Variants in SYCE1L observed in about 807,000 individuals in gnomAD.
The protein encoded by SYCE1L is synaptonemal complex central element protein 1-like.
Under a neutral mutation model 39.6 loss-of-function variants are expected in SYCE1L, and 51 were observed. The observed-to-expected ratio is 1.29, with a 90% CI of 1.03 to 1.63. The LOEUF is 1.63. Among genes scored for constraint, SYCE1L ranks in the 40% most tolerant of loss-of-function variants. The pLI, the probability that SYCE1L is intolerant of heterozygous loss-of-function variation, is 0.00. For missense variants in SYCE1L, 426 were observed against 304.9 expected (o/e 1.40, Z -2.96); for synonymous variants, 147 against 122.4 (o/e 1.20, Z -1.33).
At chr16:77,212,672 G>A in intron 10 of SYCE1L, 26 bp downstream of exon 10, 1 of 1,524,598 alleles carries the variant, frequency 6.6e-7, no homozygotes, top group Non-Finnish European at 8.8e-7. Context: ...AAGGGAGGCG[G>A]GGCGGGCAGG....
intron 1 of SYCE1L, chr16:77,200,291 T>TATATATATATATATATATATACACACAC: frequency 7.2e-5 from 8 of 111,420 alleles, no homozygotes; most frequent in African/African-American, 2.4e-4. Flanking sequence ...TATATATATA[T>TATATATATATATATATATATACACACAC]ACACACACTA....
intron 1 of SYCE1L, chr16:77,200,220 A>T (rs1212378651): frequency 1.7e-5 from 2 of 117,714 alleles, no homozygotes; most frequent in Non-Finnish European, 3.4e-5. Flanking sequence ...ATATGTATGT[A>T]TGTATGTGTG....
At chr16:77,200,146 A>G (rs2054716255) in intron 1 of SYCE1L, 1 of 150,758 alleles carries the variant, frequency 6.6e-6, no homozygotes, top group Non-Finnish European at 1.5e-5. Flanking sequence ...CCTGACCAAC[A>G]TGGTGAAACA....
intron 5 of SYCE1L, 77 bp from the exon 6 acceptor site, chr16:77,209,340 A>G: frequency 6.8e-7 from 1 of 1,474,728 alleles, no homozygotes; most frequent in Non-Finnish European, 9.3e-7. Context: ...GCCTGACATG[A>G]TGTGGGGCCT....
At chr16:77,201,136 G>T (rs1353692600) in intron 1 of SYCE1L, 5 of 152,154 alleles carry the variant, frequency 3.3e-5, no homozygotes, top group Non-Finnish European at 7.3e-5. Flanking sequence ...TGCCTGCTTG[G>T]TGTAAAGTAA....
chr16:77,202,688 G>A (rs1290180421), intron 1 of SYCE1L, among the ~76,000 whole-genome samples: 1 of 152,168 alleles, frequency 6.6e-6, no homozygotes, highest in African/African-American at 2.4e-5. Context: ...TAGGATTGGG[G>A]TCAGCTAAGA....
intron 1 of SYCE1L, chr16:77,202,490 C>G (rs2054753194): frequency 6.6e-6 from 1 of 152,136 alleles, no homozygotes; most frequent in Admixed American, 6.5e-5. Context: ...TTATTTATTA[C>G]CCACTCTTGG....
intron 1 of SYCE1L, chr16:77,201,843 A>T (rs181193867): frequency 6.6e-6 from 1 of 152,340 alleles, no homozygotes; most frequent in East Asian, 1.9e-4. Context: ...TGATAGGATT[A>T]TTATTGACAC....
intron 6 of SYCE1L, among the ~76,000 whole-genome samples, chr16:77,210,984 C>T (rs1386194940): frequency 1.3e-5 from 2 of 152,182 alleles, no homozygotes; most frequent in African/African-American, 4.8e-5. Context: ...GGGGTAACTC[C>T]CAAGCCTGGG....
chr16:77,206,502 T>G lies in SYCE1L; in HGVS notation c.121+2T>G, dbSNP rs1467716104. 9.7e-6 allele frequency: 15 copies of G among 1,551,550 alleles called. No individual in the cohort carries two copies. Among genetic ancestry groups the G allele is most frequent in the Non-Finnish European group, 1.2e-5 (14 of 1,146,972 alleles). On this transcript the variant is annotated splice_donor_variant, in intron 2 of 10. Transcript: ENST00000378644. LOFTEE classifies it high-confidence loss of function. Reference sequence around the variant, plus strand: ...CAATGGTGATAAAGCTGCAGAAAGGTCATGTGTCTCTTTGTTTCTGAGCCT... The same window carrying G: ...CAATGGTGATAAAGCTGCAGAAAGGGCATGTGTCTCTTTGTTTCTGAGCCT...
chr16:77,208,580 G>A (rs1379155641), intron 4 of SYCE1L, 41 bp downstream of exon 4: 2 of 1,544,176 alleles, frequency 1.3e-6, no homozygotes, highest in East Asian at 2.4e-5. Flanking sequence ...CACTGCAGAT[G>A]TTCCTGTGCA....
rs566739740 is a variant in SYCE1L, at chr16:77,209,950, C to T, written c.359+479C>T. ...ACAATCTTCCATCCATCCAATCATGCATTCATCCTCTCTTTATTCTTTCCA... is the reference window on the plus strand; with the variant it reads ...ACAATCTTCCATCCATCCAATCATGTATTCATCCTCTCTTTATTCTTTCCA... On this transcript the variant is annotated intron_variant, in intron 6 of 10. Coordinates refer to ENST00000378644, the MANE Select transcript of SYCE1L (RefSeq NM_001129979.3). Among the ~76,000 whole-genome samples, 3 of 152,322 alleles carry T rather than the reference C, an allele frequency of 2.0e-5. No individual in the cohort carries two copies. The South Asian group carries it at 6.2e-4, about 32-fold the overall frequency.
chr16:77,205,833 C>T (rs1204494574), intron 1 of SYCE1L, among the ~76,000 whole-genome samples: 2 of 152,098 alleles, frequency 1.3e-5, no homozygotes, highest in African/African-American at 4.8e-5. Context: ...ATAGGGAGCA[C>T]TCCCCAAGGC....
At chr16:77,207,761 A>T (rs1370303762) in intron 2 of SYCE1L, among the ~76,000 whole-genome samples, 1 of 151,954 alleles carries the variant, frequency 6.6e-6, no homozygotes, top group Non-Finnish European at 1.5e-5. Context: ...CCTCACTGTT[A>T]CTTTGGACAC....
At chr16:77,209,638 G>C (rs977664433) in intron 6 of SYCE1L, among the ~76,000 whole-genome samples, 167 bp downstream of exon 6, 2 of 151,550 alleles carry the variant, frequency 1.3e-5, no homozygotes, top group African/African-American at 2.5e-5. Context: ...TTAAATGGTC[G>C]TGTTAAGATT....
intron 1 of SYCE1L, among the ~76,000 whole-genome samples, chr16:77,205,065 AG>A (rs111688489): frequency 0.044 from 6,645 of 150,462 alleles, 502 homozygotes; most frequent in African/African-American, 0.15. Context: ...AAAAAAGAAA[AG>A]AAAAAGATAA....
chr16:77,212,379 G>A lies in SYCE1L; in HGVS notation c.581+10G>A. ...TGGCGGTGAATGACGGGTGAGAGGGGAAGGGAGGAGTGGGCGAGGAGGGCA... is the reference window on the plus strand; with the variant it reads ...TGGCGGTGAATGACGGGTGAGAGGGAAAGGGAGGAGTGGGCGAGGAGGGCA... On this transcript the variant is annotated intron_variant, in intron 9 of 10. Coordinates refer to ENST00000378644, the MANE Select transcript of SYCE1L (RefSeq NM_001129979.3). The A allele has an allele frequency of 6.5e-7, 1 of 1,528,120 alleles. No individual in the cohort carries two copies. Among genetic ancestry groups the A allele is most frequent in the African/African-American group, 1.4e-5 (1 of 71,646 alleles). 94.7% of individuals were successfully genotyped at this position (1,528,120 alleles called of 1,614,324 possible). A position where few individuals can be genotyped will look rare whatever the true frequency, so the allele number is the denominator to read the frequency against.
chr16:77,212,037 G>T, intron 7 of SYCE1L, 93 bp from the exon 8 acceptor site: 1 of 1,351,514 alleles, frequency 7.4e-7, no homozygotes, highest in South Asian at 1.4e-5. Context: ...ACCTAATGTA[G>T]GTGAAGACTT....
intron 6 of SYCE1L, among the ~76,000 whole-genome samples, chr16:77,210,165 G>A (rs908843308): frequency 4.6e-5 from 7 of 152,146 alleles, no homozygotes; most frequent in Middle Eastern, 3.4e-3. Flanking sequence ...TCATCCTCCC[G>A]AGTAGCTGAG....
Sources: allele counts gnomAD v4.1 joint callset (sites outside exome capture counted in the v4.1 genomes callset), GRCh38; gene constraint gnomAD v4.1.1; transcripts MANE v1.5; gene names NCBI Gene and HGNC (gene_info 2026-07-23, HGNC 2026-07-21).